Variants in ZDHHC21 observed in about 807,000 individuals in gnomAD.
The protein encoded by ZDHHC21 is zDHHC palmitoyltransferase 21.
A neutral mutation model predicts 34.6 loss-of-function variants in ZDHHC21; 15 were observed. That is an observed-to-expected ratio of 0.43 (90% CI 0.29 to 0.67). The LOEUF (loss-of-function observed/expected upper bound fraction) is 0.67, where lower values mean the gene tolerates loss of function less well. Among genes scored for constraint, ZDHHC21 ranks in the 30% least tolerant of loss-of-function variants. The pLI is 0.14. For missense variants in ZDHHC21, 344 were observed against 327.7 expected, an observed-to-expected ratio of 1.05 and a Z score of -0.38; for synonymous variants, 142 against 101.8, an observed-to-expected ratio of 1.40 and a Z score of -2.38.
chr9:14,607,975 A>T (rs1823070129), downstream of ZDHHC21, among the ~76,000 whole-genome samples: 1 of 152,182 alleles, frequency 6.6e-6, no homozygotes, highest in South Asian at 2.1e-4. Context: ...TATTTTCCAC[A>T]TTGTGGGTAC....
chr9:14,646,126 C>G (rs1830245002), intron 7 of ZDHHC21, among the ~76,000 whole-genome samples: 1 of 152,030 alleles, frequency 6.6e-6, no homozygotes, highest in South Asian at 2.1e-4. Context: ...TATTTATAAC[C>G]TCCAAAAACT....
the ZDHHC21 span, among the ~76,000 whole-genome samples, chr9:14,596,050 C>T: frequency 4.6e-5 from 7 of 152,230 alleles, no homozygotes; most frequent in Non-Finnish European, 8.8e-5. Context: ...ACCATTCAAC[C>T]CAGTAATTCT....
intron 7 of ZDHHC21, among the ~76,000 whole-genome samples, chr9:14,656,261 T>C (rs1412734148): frequency 1.3e-5 from 2 of 151,926 alleles, no homozygotes; most frequent in African/African-American, 4.8e-5. Context: ...TCAAGTTTAG[T>C]TATAATTCTG....
intron 2 of ZDHHC21, among the ~76,000 whole-genome samples, chr9:14,683,298 G>C (rs187541463): frequency 6.0e-4 from 88 of 146,940 alleles, no homozygotes; most frequent in African/African-American, 1.9e-3. Flanking sequence ...TTGATAGACC[G>C]CTAGCAAGAC....
chr9:14,664,002 G>A (rs1013524333), intron 5 of ZDHHC21, among the ~76,000 whole-genome samples: 22 of 152,170 alleles, frequency 1.4e-4, no homozygotes, highest in Non-Finnish European at 1.2e-4. Flanking sequence ...TTCGGGGGGA[G>A]GAGCCAAGAT....
intron 7 of ZDHHC21, among the ~76,000 whole-genome samples, chr9:14,650,295 T>C (rs1407521763): frequency 6.6e-6 from 1 of 151,976 alleles, no homozygotes; most frequent in Non-Finnish European, 1.5e-5. Context: ...GGAATATCTC[T>C]AGTAGCATCT....
At position 14,611,186 on chromosome 9, in the gene ZDHHC21, G is replaced by C. The variant is rs1202949301; in HGVS notation, c.*7780C>G. The C allele has an allele frequency of 1.3e-5, 2 of 151,822 alleles. No individual in the cohort carries two copies. Among genetic ancestry groups the C allele is most frequent in the African/African-American group, 4.8e-5 (2 of 41,378 alleles). 9.4% of individuals were successfully genotyped at this position (151,822 alleles called of 1,614,324 possible). On this transcript the variant is annotated 3_prime_UTR_variant, in exon 10 of 10. Transcript: ENST00000380916. ...TTAAAAACAATCTGCAAAGAAAATA[G>C]AAATATTACGTGAAAAAAACTAAAT... is the stretch of plus-strand genomic sequence containing the variant.
At chr9:14,604,170 T>A in the ZDHHC21 span, among the ~76,000 whole-genome samples, 1 of 151,892 alleles carries the variant, frequency 6.6e-6, no homozygotes, top group African/African-American at 2.4e-5. Flanking sequence ...GAGTGTAAAT[T>A]GGTTTGACTA....
At chr9:14,625,338 T>A (rs1191061021) in intron 8 of ZDHHC21, among the ~76,000 whole-genome samples, 2 of 152,052 alleles carry the variant, frequency 1.3e-5, no homozygotes, top group South Asian at 4.1e-4. Context: ...CAGCTATGTC[T>A]TTTATCAGGG....
chr9:14,683,915 G>A (rs748805864), intron 2 of ZDHHC21, among the ~76,000 whole-genome samples: 82 of 152,216 alleles, frequency 5.4e-4, no homozygotes, highest in Non-Finnish European at 7.9e-4. Flanking sequence ...ATCAATAAAC[G>A]TAATCCAGCA....
At position 14,619,008 on chromosome 9, in the gene ZDHHC21, C is replaced by G. The variant is rs754335625; in HGVS notation, c.756G>C (p.Arg252Ser). The change falls in exon 10 of 10, where the codon AGG (arginine) becomes AGC (serine). Residue 252 changes from arginine (R) to serine (S), a missense_variant. Transcript: ENST00000380916. ...KILWFIPFRQRQPLRVPYHFA... is the reference protein window; with the variant it reads ...KILWFIPFRQSQPLRVPYHFA... The stretch of plus-strand genomic sequence containing the variant: ...AGTGGTAGGGAACTCGCAGTGGTTG[C>G]CTCTGCCTGAAAGGAATGAACCACA... The G allele has an allele frequency of 6.2e-7, 1 of 1,611,612 alleles. No individual in the cohort carries two copies. The highest frequency in any genetic ancestry group is 1.3e-5 in the African/African-American group (1 of 74,816).
rs1311304870 is a variant in ZDHHC21, at chr9:14,618,037, C to T, written c.*929G>A. The T allele has an allele frequency of 6.6e-6, 1 of 152,294 alleles. No individual in the cohort carries two copies. Among genetic ancestry groups the T allele is most frequent in the Non-Finnish European group, 1.5e-5 (1 of 67,932 alleles). 9.4% of individuals were successfully genotyped at this position (152,294 alleles called of 1,614,324 possible). ...TACTCTTTTCAAAAGCACAATATTC[C>T]TCTTTATACTGTACATTATATACTA... On this transcript the variant is annotated 3_prime_UTR_variant, in exon 10 of 10. Transcript: ENST00000380916.
Position 14,689,194 on chromosome 9 carries a change from T to A in ZDHHC21, c.-176+1143A>T, listed in dbSNP as rs565686891. Reference sequence around the variant, plus strand: ...TGAAGTTGTATTTCTACACGTTGGTTAGGGGGATCTTTAAGAAGAAAACCG... The same window carrying A: ...TGAAGTTGTATTTCTACACGTTGGTAAGGGGGATCTTTAAGAAGAAAACCG... On this transcript the variant is annotated intron_variant, in intron 2 of 9. Transcript: ENST00000380916. Among the ~76,000 whole-genome samples the A allele has an allele frequency of 5.1e-3, 777 of 152,352 alleles. 8 individuals carry two copies. Among genetic ancestry groups the A allele is most frequent in the African/African-American group, 0.018 (728 of 41,578 alleles).
chr9:14,672,370 A>T (rs1166220150), intron 5 of ZDHHC21, among the ~76,000 whole-genome samples: 1 of 152,086 alleles, frequency 6.6e-6, no homozygotes, highest in East Asian at 1.9e-4. Flanking sequence ...TCAGGTAACC[A>T]GCACCAAAAA....
the ZDHHC21 span, among the ~76,000 whole-genome samples, chr9:14,597,925 C>T: frequency 6.6e-6 from 1 of 152,140 alleles, no homozygotes; most frequent in Non-Finnish European, 1.5e-5. Flanking sequence ...ACATGCCCTC[C>T]CCCTCCACAC....
At chr9:14,687,392 C>G (rs538952014) in intron 2 of ZDHHC21, among the ~76,000 whole-genome samples, 1 of 150,518 alleles carries the variant, frequency 6.6e-6, no homozygotes, top group Non-Finnish European at 1.5e-5. Context: ...AATGCTGGGC[C>G]GGGCATGGTG....
chr9:14,681,996 AT>A lies in ZDHHC21; in HGVS notation c.-175-1835del, dbSNP rs1203072314. The stretch of plus-strand genomic sequence containing the variant: ...TTTACAGACAAGCAAATGCTGAGAG[AT>A]TTGGTCACCACCAGGCCTGCCCTAC... On this transcript the variant is annotated intron_variant, in intron 2 of 9. Coordinates refer to ENST00000380916, the MANE Select transcript of ZDHHC21 (RefSeq NM_178566.6). Among the ~76,000 whole-genome samples the A allele has an allele frequency of 7.2e-5, 11 of 152,290 alleles. No homozygotes were observed. In the East Asian group the frequency reaches 2.1e-3, roughly 29 times the overall value.
At chr9:14,664,317 G>A (rs1305752828) in intron 5 of ZDHHC21, among the ~76,000 whole-genome samples, 2 of 152,138 alleles carry the variant, frequency 1.3e-5, no homozygotes, top group Admixed American at 6.5e-5. Flanking sequence ...AAGAAACGGC[G>A]CACCACGAGA....
intron 6 of ZDHHC21, among the ~76,000 whole-genome samples, chr9:14,660,356 G>C (rs1214866768): frequency 1.0e-5 from 1 of 98,370 alleles, no homozygotes; most frequent in Non-Finnish European, 1.8e-5. Flanking sequence ...CTGGGCAACA[G>C]AGTAAGACTC....
Sources: gnomAD v4.1 joint callset for allele counts (sites outside exome capture counted in the v4.1 genomes callset) on GRCh38, gnomAD v4.1.1 for gene constraint, MANE v1.5 for transcripts, NCBI Gene and HGNC (gene_info 2026-07-23, HGNC 2026-07-21) for gene names.